The following SNAP23 variants were observed in gnomAD, a reference collection of about 807,000 sequenced individuals.
SNAP23 encodes synaptosome associated protein 23.
SNAP23 carries 11 observed loss-of-function variants against 29.0 expected under a neutral mutation model. That is an observed-to-expected ratio of 0.38 (90% CI 0.24 to 0.63). The LOEUF is 0.63. Ranked by LOEUF, SNAP23 falls within the 20% of genes least tolerant of loss-of-function variation. SNAP23 has a pLI of 0.58. For synonymous variants in SNAP23, 60 were observed against 82.9 expected (o/e 0.72, Z 1.50); for missense variants, 220 against 253.9 (o/e 0.87, Z 0.91).
chr15:42,519,611 C>T (rs1394746717), intron 5 of SNAP23, among the ~76,000 whole-genome samples: 1 of 151,968 alleles, frequency 6.6e-6, no homozygotes, highest in Admixed American at 6.6e-5. Context: ...CTCAAGTGAT[C>T]CACCCACCTC....
At chr15:42,516,111 G>A (rs73404730) in intron 5 of SNAP23, among the ~76,000 whole-genome samples, 16,396 of 148,744 alleles carry the variant, frequency 0.11, 1,053 homozygotes, top group South Asian at 0.19. Flanking sequence ...TTGGAGTGGA[G>A]TATAAAAAGA....
chr15:42,494,717 A>G (rs138836076), upstream of SNAP23, among the ~76,000 whole-genome samples: 409 of 151,982 alleles, frequency 2.7e-3, no homozygotes, highest in African/African-American at 9.3e-3. Context: ...GGGTTTCTCT[A>G]TGTTGGCCAG....
Position 42,531,807 on chromosome 15 carries a change from G to A in SNAP23, c.*329G>A, listed in dbSNP as rs776268336. 3 of 190,614 alleles carry A rather than the reference G, an allele frequency of 1.6e-5. No homozygotes were observed. The highest frequency in any genetic ancestry group is 4.7e-5 in the African/African-American group (2 of 42,892). The allele number at this position is 190,614 out of a possible 1,614,324, so 11.8% of individuals were successfully genotyped here. A position where few individuals can be genotyped will look rare whatever the true frequency, so the allele number is the denominator to read the frequency against. On this transcript the variant is annotated 3_prime_UTR_variant, in exon 8 of 8. Transcript: ENST00000249647. The stretch of plus-strand genomic sequence containing the variant: ...AAGCATTGCCAAAGACAGCCATGAA[G>A]AAGGAAGCTGTAGAGGTGTTTTTTG...
In SNAP23 at chr15:42,531,651, G is replaced by T. The variant is rs748610970; in HGVS notation, c.*173G>T. Reference sequence around the variant, plus strand: ...TCTTTTTTGTTTTCTGTTGAGGGCCGACTGCTGCTCTGCCTTCCTTCTAGT... The same window carrying T: ...TCTTTTTTGTTTTCTGTTGAGGGCCTACTGCTGCTCTGCCTTCCTTCTAGT... On this transcript the variant is annotated 3_prime_UTR_variant, in exon 8 of 8. Transcript: ENST00000249647. 2.1e-5 allele frequency: 10 copies of T among 467,406 alleles called. No homozygotes were observed. In the East Asian group the frequency reaches 3.4e-4, roughly 16 times the overall value. The allele number at this position is 467,406 out of a possible 1,614,324, so 29.0% of individuals were successfully genotyped here. A position where few individuals can be genotyped will look rare whatever the true frequency, so the allele number is the denominator to read the frequency against.
upstream of SNAP23, among the ~76,000 whole-genome samples, chr15:42,494,379 C>G (rs1037666087): frequency 8.0e-5 from 12 of 149,396 alleles, no homozygotes; most frequent in Non-Finnish European, 1.2e-4. Flanking sequence ...GAATAGACTA[C>G]TTACTCCTTG....
intron 4 of SNAP23, among the ~76,000 whole-genome samples, chr15:42,513,931 A>G (rs1175693760): frequency 6.6e-6 from 1 of 152,070 alleles, no homozygotes; most frequent in Non-Finnish European, 1.5e-5. Flanking sequence ...CTCCTGCCTC[A>G]GCTTCCTGAG....
intron 5 of SNAP23, chr15:42,527,876 C>G (rs2057518524): frequency 1.8e-5 from 3 of 163,046 alleles, no homozygotes; most frequent in Admixed American, 5.8e-5. Flanking sequence ...TCTAAGGGAC[C>G]TTTTTTTAAG....
chr15:42,512,536 G>A (rs753065719), intron 2 of SNAP23, among the ~76,000 whole-genome samples: 2 of 151,850 alleles, frequency 1.3e-5, no homozygotes, highest in Non-Finnish European at 2.9e-5. Flanking sequence ...GTGCCACCAC[G>A]CCCAGCTAAT....
chr15:42,532,867 TTCTC>T lies in SNAP23; in HGVS notation c.*1391_*1394del. 6.5e-6 allele frequency: 1 copy of T among 152,676 alleles called. No homozygotes were observed. Among genetic ancestry groups the T allele is most frequent in the Non-Finnish European group, 1.5e-5 (1 of 68,028 alleles). The allele number at this position is 152,676 out of a possible 1,614,324, so 9.5% of individuals were successfully genotyped here. A position where few individuals can be genotyped will look rare whatever the true frequency, so the allele number is the denominator to read the frequency against. Reference sequence around the variant, plus strand: ...TTAATTATTGGTGATTACACACTCTTTCTCTTACCCTTGTGTATTGAACTATGTC... The same window carrying T: ...TTAATTATTGGTGATTACACACTCTTTTACCCTTGTGTATTGAACTATGTC... On this transcript the variant is annotated 3_prime_UTR_variant, in exon 8 of 8. Coordinates refer to ENST00000249647, the MANE Select transcript of SNAP23 (RefSeq NM_003825.4).
At chr15:42,495,596 G>A (rs956772341), upstream of SNAP23, 1 of 152,288 alleles carries the variant, frequency 6.6e-6, no homozygotes, top group Non-Finnish European at 1.5e-5. Context: ...TGTCCGCGGC[G>A]AACGGGAAGT....
chr15:42,494,486 A>T (rs2057199006), upstream of SNAP23, among the ~76,000 whole-genome samples: 1 of 141,706 alleles, frequency 7.1e-6, no homozygotes, highest in South Asian at 2.3e-4. Context: ...GACACCCGCC[A>T]CCACACCCAG....
intron 7 of SNAP23, among the ~76,000 whole-genome samples, chr15:42,530,420 A>G (rs1274373423): frequency 6.6e-6 from 1 of 152,142 alleles, no homozygotes; most frequent in Non-Finnish European, 1.5e-5. Context: ...TGATATAAAT[A>G]TAGTGAAAGC....
At chr15:42,517,000 A>G (rs2057402345) in intron 5 of SNAP23, among the ~76,000 whole-genome samples, 1 of 151,600 alleles carries the variant, frequency 6.6e-6, no homozygotes, top group South Asian at 2.1e-4. Flanking sequence ...GCTCACTGCA[A>G]CTTCCACCTC....
upstream of SNAP23, among the ~76,000 whole-genome samples, chr15:42,494,135 C>CA (rs989811831): frequency 3.9e-5 from 6 of 151,906 alleles, no homozygotes; most frequent in African/African-American, 1.5e-4. Context: ...AAAACAAAAA[C>CA]AAAAAATCTT....
At chr15:42,517,291 A>G (rs921872877) in intron 5 of SNAP23, among the ~76,000 whole-genome samples, 2 of 152,234 alleles carry the variant, frequency 1.3e-5, no homozygotes, top group Non-Finnish European at 2.9e-5. Flanking sequence ...AACAAGTTAA[A>G]ATGTACAGAT....
At chr15:42,531,359 A>G in intron 7 of SNAP23, 54 bp from the exon 8 acceptor site, 2 of 1,270,776 alleles carry the variant, frequency 1.6e-6, no homozygotes, top group Non-Finnish European at 2.1e-6. Context: ...TAAAAAGTTT[A>G]ATTTTTATTA....
chr15:42,520,341 G>A (rs936892441), intron 5 of SNAP23, among the ~76,000 whole-genome samples: 4 of 149,172 alleles, frequency 2.7e-5, no homozygotes, highest in South Asian at 2.1e-4. Context: ...GAGCCACCGC[G>A]CACAGCCCAC....
intron 5 of SNAP23, among the ~76,000 whole-genome samples, chr15:42,522,979 G>C (rs1190454711): frequency 6.6e-6 from 1 of 150,792 alleles, no homozygotes; most frequent in African/African-American, 2.4e-5. Flanking sequence ...CGAGTAACTG[G>C]GATTACAAGC....
intron 5 of SNAP23, among the ~76,000 whole-genome samples, chr15:42,524,897 G>A (rs538656809): frequency 2.6e-5 from 4 of 152,134 alleles, no homozygotes; most frequent in Non-Finnish European, 4.4e-5. Context: ...CCAGTAACAG[G>A]GTCTTGAGCA....
Sources: gnomAD v4.1 joint callset for allele counts (sites outside exome capture counted in the v4.1 genomes callset) on GRCh38, gnomAD v4.1.1 for gene constraint, MANE v1.5 for transcripts, NCBI Gene and HGNC (gene_info 2026-07-23, HGNC 2026-07-21) for gene names.